The following LDB3 variants were observed in gnomAD, a reference collection of about 807,000 sequenced individuals.
The protein encoded by LDB3 is LIM domain-binding protein 3.
Under a neutral mutation model 69.0 loss-of-function variants are expected in LDB3, and 49 were observed. The observed-to-expected ratio is 0.71, with a 90% CI of 0.56 to 0.90. LDB3 has a LOEUF of 0.90. Among genes scored for constraint, LDB3 ranks in the 40% least tolerant of loss-of-function variants. LDB3 has a pLI of 0.00. For synonymous variants in LDB3, 387 were observed against 396.2 expected (o/e 0.98, Z 0.28); for missense variants, 928 against 974.1 (o/e 0.95, Z 0.63).
At chr10:86,689,553 T>G (rs1348936924) in intron 5 of LDB3, among the ~76,000 whole-genome samples, 2 of 152,176 alleles carry the variant, frequency 1.3e-5, no homozygotes, top group East Asian at 3.9e-4. Context: ...CATACCTGTG[T>G]TCTTCTTGCC....
intron 8 of LDB3, among the ~76,000 whole-genome samples, chr10:86,708,471 C>G (rs1050536969): frequency 1.3e-5 from 2 of 152,200 alleles, no homozygotes; most frequent in Middle Eastern, 3.2e-3. Flanking sequence ...GACTCAGGAC[C>G]TGTAGCTCCT....
chr10:86,674,609 G>A (rs1418047028), intron 2 of LDB3, among the ~76,000 whole-genome samples: 2 of 152,168 alleles, frequency 1.3e-5, no homozygotes, highest in African/African-American at 4.8e-5. Context: ...GTTTAGAGGG[G>A]CCCATTGGCG....
Position 86,718,810 on chromosome 10 carries a change from C to T in LDB3, c.1941C>T (p.Leu647=). 3 of 1,614,222 alleles carry T rather than the reference C, an allele frequency of 1.9e-6. No homozygotes were observed. Among genetic ancestry groups the T allele is most frequent in the Non-Finnish European group, 2.5e-6 (3 of 1,180,034 alleles). The change falls in exon 12 of 14, where the codon CTC becomes CTT. Residue 647 remains leucine, a synonymous_variant. Coordinates refer to ENST00000361373, the MANE Select transcript of LDB3 (RefSeq NM_007078.3). ...AACKKPFGNS[L]FHMEDGEPYC... is the part of the protein sequence containing the mutation. ...GCAAGAAGCCTTTTGGGAACAGCCT[C>T]TTCCACATGGAAGACGGGGAGCCCT...
In LDB3 at chr10:86,706,534, C is replaced by A. The variant is rs760071118; in HGVS notation, c.900C>A (p.Thr300=). The change falls in exon 8 of 14, where the codon ACC becomes ACA. Residue 300 remains threonine (T), a synonymous_variant. Coordinates refer to ENST00000361373, the MANE Select transcript of LDB3 (RefSeq NM_007078.3). The part of the protein sequence containing the change: ...PDEEALRRSS[T]PIEHAPVCTS... ...CTTTTTGGTCCCGCCTCATCAGCAC[C>A]CCTATTGAGCATGCGCCGGTGTGCA... 3.0e-5 allele frequency: 48 copies of A among 1,612,540 alleles called. No individual in the cohort carries two copies. In the East Asian group the frequency reaches 6.2e-4, roughly 21 times the overall value.
At chr10:86,675,497 C>T (rs1020908359) in intron 2 of LDB3, among the ~76,000 whole-genome samples, 4 of 152,256 alleles carry the variant, frequency 2.6e-5, no homozygotes, top group African/African-American at 9.6e-5. Context: ...GTGGGGTCTG[C>T]AATGACCCAG....
At chr10:86,685,706 T>A in intron 5 of LDB3, 1 of 1,614,126 alleles carries the variant, frequency 6.2e-7, no homozygotes, top group Non-Finnish European at 8.5e-7. Flanking sequence ...GCCAAGTTAG[T>A]ATCAAAGGAC....
chr10:86,731,067 A>G (rs994510725), intron 13 of LDB3, among the ~76,000 whole-genome samples: 1 of 150,144 alleles, frequency 6.7e-6, no homozygotes, highest in Non-Finnish European at 1.5e-5. Flanking sequence ...AGGCAGGAGA[A>G]TTGCTTGAAC....
In LDB3 at chr10:86,734,315, G is replaced by A. The variant is rs1221654688; in HGVS notation, c.*1339G>A. The A allele has an allele frequency of 2.0e-5, 3 of 152,206 alleles. No homozygotes were observed. The highest frequency in any genetic ancestry group is 4.4e-5 in the Non-Finnish European group (3 of 68,036). The allele number at this position is 152,206 out of a possible 1,614,324, so 9.4% of individuals were successfully genotyped here. A position where few individuals can be genotyped will look rare whatever the true frequency, so the allele number is the denominator to read the frequency against. ...TTATACTAGTGATAGTTTGAGTTAG[G>A]TAAGCATCTTAAAGCTGTTTGGTGA... On this transcript the variant is annotated 3_prime_UTR_variant, in exon 14 of 14. Transcript: ENST00000361373.
intron 5 of LDB3, among the ~76,000 whole-genome samples, chr10:86,683,312 C>G (rs985140057): frequency 1.3e-5 from 2 of 152,258 alleles, no homozygotes; most frequent in African/African-American, 4.8e-5. Context: ...AAACAACTCT[C>G]TCTGCAACTC....
At chr10:86,728,882 A>T (rs1367739913) in intron 13 of LDB3, among the ~76,000 whole-genome samples, 1 of 151,798 alleles carries the variant, frequency 6.6e-6, no homozygotes, top group Non-Finnish European at 1.5e-5. Context: ...ACCCAGCCGG[A>T]ACATGGTCTT....
In LDB3 at chr10:86,699,146, T is replaced by G; in HGVS notation, c.896+6575T>G. On this transcript the variant is annotated intron_variant, in intron 7 of 13. Transcript: ENST00000361373. The surrounding 1 kb of genome is among the most constrained non-coding windows in gnomAD (Gnocchi z 4.9). Reference sequence around the variant, plus strand: ...AGCCCGTTCCCTCCCTCCCATGCCCTCTGCCCCACCTGTTAGACAGGGGAA... The same window carrying G: ...AGCCCGTTCCCTCCCTCCCATGCCCGCTGCCCCACCTGTTAGACAGGGGAA... The G allele has an allele frequency of 1.0e-6, 1 of 1,000,624 alleles. No homozygotes were observed. The highest frequency in any genetic ancestry group is 1.5e-6 in the Non-Finnish European group (1 of 651,176). 62.0% of individuals were successfully genotyped at this position (1,000,624 alleles called of 1,614,324 possible). A position where few individuals can be genotyped will look rare whatever the true frequency, so the allele number is the denominator to read the frequency against.
At chr10:86,674,300 G>A (rs906291259) in intron 2 of LDB3, among the ~76,000 whole-genome samples, 15 of 152,162 alleles carry the variant, frequency 9.9e-5, no homozygotes, top group African/African-American at 3.6e-4. Flanking sequence ...TGACACTGGA[G>A]GGCTTGGAGG....
chr10:86,688,721 G>C (rs138117543), intron 5 of LDB3, among the ~76,000 whole-genome samples: 2 of 152,182 alleles, frequency 1.3e-5, no homozygotes, highest in African/African-American at 4.8e-5. Context: ...TCTTTGTCAC[G>C]TGTGTCCTTG....
At chr10:86,669,703 G>A (rs781640865) in intron 2 of LDB3, among the ~76,000 whole-genome samples, 6 of 152,246 alleles carry the variant, frequency 3.9e-5, no homozygotes, top group East Asian at 1.9e-4. Context: ...GGCTCAGGGC[G>A]AACTGTGAGG....
At chr10:86,729,746 A>G (rs1433681755) in intron 13 of LDB3, among the ~76,000 whole-genome samples, 3 of 152,062 alleles carry the variant, frequency 2.0e-5, no homozygotes, top group South Asian at 2.1e-4. Flanking sequence ...CATCTCACCT[A>G]TGAGCCATCT....
chr10:86,674,915 G>A lies in LDB3; in HGVS notation c.94-4452G>A, dbSNP rs546614300. On this transcript the variant is annotated intron_variant, in intron 2 of 13. Coordinates refer to ENST00000361373, the MANE Select transcript of LDB3 (RefSeq NM_007078.3). ...CTCCTGAGGTGGGGTGAAGGCATCCGATGGCTCCTGATCATCCATAGGGTC... is the reference window on the plus strand; with the variant it reads ...CTCCTGAGGTGGGGTGAAGGCATCCAATGGCTCCTGATCATCCATAGGGTC... Among the ~76,000 whole-genome samples the A allele has an allele frequency of 2.0e-5, 3 of 152,144 alleles. No homozygotes were observed. In the East Asian group the frequency reaches 5.8e-4, roughly 30 times the overall value.
At chr10:86,667,228 G>A (rs1452179855), upstream of LDB3, among the ~76,000 whole-genome samples, 1 of 152,054 alleles carries the variant, frequency 6.6e-6, no homozygotes, top group Non-Finnish European at 1.5e-5. Flanking sequence ...CATGTGCCAG[G>A]CCCCAGGAGT....
At chr10:86,680,283 C>A in intron 4 of LDB3, 126 bp downstream of exon 4, 1 of 817,532 alleles carries the variant, frequency 1.2e-6, no homozygotes, top group East Asian at 2.7e-5. Flanking sequence ...CTGCCCCATC[C>A]CTGCCCCTGC....
At position 86,716,635 on chromosome 10, in the gene LDB3, C is replaced by G. The variant is rs769954179; in HGVS notation, c.1540C>G (p.Leu514Val). ...CACCACCTCCATCAGCAAGCAGACCCTGCCCCGGGGAGGCCCAGCCTACAC... is the reference window on the plus strand; with the variant it reads ...CACCACCTCCATCAGCAAGCAGACCGTGCCCCGGGGAGGCCCAGCCTACAC... ...KSTTSISKQT[L>V]PRGGPAYTPA... Residue 514 changes from leucine to valine, a missense_variant, in exon 10 of 14, where the codon CTG becomes GTG. Transcript: ENST00000361373. The G allele has an allele frequency of 6.2e-7, 1 of 1,613,886 alleles. No individual in the cohort carries two copies. The highest frequency in any genetic ancestry group is 8.5e-7 in the Non-Finnish European group (1 of 1,179,926).
Sources: gnomAD v4.1 joint callset for allele counts (sites outside exome capture counted in the v4.1 genomes callset) on GRCh38, gnomAD v4.1.1 for gene constraint, Gnocchi (gnomAD v3.1) non-coding constraint, MANE v1.5 for transcripts, NCBI Gene and HGNC (gene_info 2026-07-23, HGNC 2026-07-21) for gene names.